Variants in HERC6 observed in about 807,000 individuals in gnomAD.
The protein encoded by HERC6 is HECT and RLD domain containing E3 ubiquitin protein ligase family member 6.
Under a neutral mutation model 114.5 loss-of-function variants are expected in HERC6, and 101 were observed. The ratio of observed to expected loss-of-function variants is 0.88; its 90% CI spans 0.75 to 1.04. The LOEUF (loss-of-function observed/expected upper bound fraction) is 1.04. Among genes scored for constraint, HERC6 ranks in the 50% least tolerant of loss-of-function variants. The pLI is 0.00. For synonymous variants in HERC6, 408 were observed against 436.2 expected (o/e 0.94, Z 0.81); for missense variants, 1,133 against 1,230.9 (o/e 0.92, Z 1.19).
chr4:88,416,121 T>C (rs1736450550), intron 12 of HERC6, among the ~76,000 whole-genome samples: 2 of 152,200 alleles, frequency 1.3e-5, no homozygotes, highest in African/African-American at 4.8e-5. Flanking sequence ...AAAGGTCCAG[T>C]GTCAGAGATT....
intron 12 of HERC6, among the ~76,000 whole-genome samples, chr4:88,415,451 A>C (rs1159809790): frequency 6.6e-6 from 1 of 152,216 alleles, no homozygotes; most frequent in Admixed American, 6.5e-5. Flanking sequence ...AGGTCATCAT[A>C]TCACCCAATT....
In HERC6 at chr4:88,390,730, C is replaced by T. The variant is rs771055984; in HGVS notation, c.515C>T (p.Pro172Leu). The T allele has an allele frequency of 6.2e-6, 10 of 1,614,010 alleles. No homozygotes were observed. Among genetic ancestry groups the T allele is most frequent in the South Asian group, 2.2e-5 (2 of 91,068 alleles). Residue 172 changes from proline to leucine, a missense_variant, in exon 4 of 23, where the codon CCG becomes CTG. Physicochemically the swap from Pro to Leu is moderately conservative, Grantham distance 98. Around this residue, in one of 3 missense-constraint regions of HERC6, gnomAD observed 735 missense variants for 754.0 expected, o/e 0.97. Transcript: ENST00000264346. ...LGKEFPSQAS[P>L]QRVRSLEGIP... is the part of the protein sequence containing the mutation. ...AAGGAGTTCCCCTCCCAAGCCAGCCCGCAGAGGGTGAGGTCCCTGGAGGGG... is the reference window on the plus strand; with the variant it reads ...AAGGAGTTCCCCTCCCAAGCCAGCCTGCAGAGGGTGAGGTCCCTGGAGGGG...
chr4:88,422,102 G>T (rs564658289), intron 13 of HERC6, among the ~76,000 whole-genome samples: 1 of 152,090 alleles, frequency 6.6e-6, no homozygotes, highest in Non-Finnish European at 1.5e-5. Context: ...TTATTTTGAT[G>T]ATAAATTCAT....
chr4:88,437,302 C>T (rs1342394705), intron 19 of HERC6, among the ~76,000 whole-genome samples: 3 of 152,058 alleles, frequency 2.0e-5, no homozygotes, highest in Non-Finnish European at 4.4e-5. Flanking sequence ...AGTGATCCAC[C>T]TGTCTCAGCC....
intron 15 of HERC6, among the ~76,000 whole-genome samples, chr4:88,427,032 G>A (rs1206823136): frequency 6.6e-6 from 1 of 152,138 alleles, no homozygotes; most frequent in Non-Finnish European, 1.5e-5. Flanking sequence ...GTAGTCGAGG[G>A]TTGAGTGAAT....
Position 88,413,081 on chromosome 4 carries a change from C to G in HERC6, c.1373C>G (p.Thr458Ser). Residue 458 changes from threonine to serine, a missense_variant, in exon 12 of 23, where the codon ACT (threonine) becomes AGT (serine). Transcript: ENST00000264346. Reference sequence around the variant, plus strand: ...CTGATCCTATTTTTACCACAGATAACTACGTGTCTCGAGGATGATCTGCTC... The same window carrying G: ...CTGATCCTATTTTTACCACAGATAAGTACGTGTCTCGAGGATGATCTGCTC... ...TKKEWISSMI[T>S]TCLEDDLLRA... 6.2e-7 allele frequency: 1 copy of G among 1,604,594 alleles called. No homozygotes were observed. Among genetic ancestry groups the G allele is most frequent in the Non-Finnish European group, 8.5e-7 (1 of 1,176,282 alleles).
intron 16 of HERC6, among the ~76,000 whole-genome samples, chr4:88,429,907 T>C (rs1300460327): frequency 6.6e-6 from 1 of 152,100 alleles, no homozygotes; most frequent in African/African-American, 2.4e-5. Flanking sequence ...TCAAGCCAGA[T>C]CAAATAAAAA....
In HERC6 at chr4:88,396,857, C is replaced by A. The variant is rs1161697977; in HGVS notation, c.894C>A (p.His298Gln). 4.4e-6 allele frequency: 7 copies of A among 1,575,288 alleles called. No individual in the cohort carries two copies. The highest frequency in any genetic ancestry group is 6.0e-6 in the Non-Finnish European group (7 of 1,158,466). The change falls in exon 7 of 23, where the codon CAC becomes CAA. Residue 298 changes from histidine to glutamine, a missense_variant. By Grantham distance (24) the His-to-Gln change is conservative. Around this residue, in one of 3 missense-constraint regions of HERC6, gnomAD observed 735 missense variants for 754.0 expected, o/e 0.97. Transcript: ENST00000264346. ...LVSQIDCGSY[H>Q]TLAYVHTTGQ... ...TGTATTCTCTTTCCTGTAGTTATCA[C>A]ACCCTGGCATATGTGCACACCACTG...
At chr4:88,397,375 G>A (rs1292049427) in intron 7 of HERC6, among the ~76,000 whole-genome samples, 1 of 151,842 alleles carries the variant, frequency 6.6e-6, no homozygotes, top group Non-Finnish European at 1.5e-5. Context: ...GCCTCCTAAA[G>A]TGCTGGGATT....
At chr4:88,412,936 A>G (rs1736200953) in intron 11 of HERC6, 141 bp from the exon 12 acceptor site, 1 of 639,738 alleles carries the variant, frequency 1.6e-6, no homozygotes, top group Non-Finnish European at 2.7e-6. Context: ...ATGGAGTCTC[A>G]TCAATAGGTT....
intron 1 of HERC6, among the ~76,000 whole-genome samples, chr4:88,379,766 A>G (rs1410003848): frequency 1.0e-5 from 1 of 98,232 alleles, no homozygotes; most frequent in Non-Finnish European, 1.8e-5. Flanking sequence ...AAATATATAT[A>G]ATATATAAAT....
At chr4:88,385,806 C>T (rs1383084138) in intron 3 of HERC6, among the ~76,000 whole-genome samples, 1 of 152,166 alleles carries the variant, frequency 6.6e-6, no homozygotes, top group Non-Finnish European at 1.5e-5. Flanking sequence ...TTTGACCTAA[C>T]TGGCCAACTC....
At chr4:88,435,247 C>A (rs185903160) in intron 17 of HERC6, among the ~76,000 whole-genome samples, 3 of 152,144 alleles carry the variant, frequency 2.0e-5, no homozygotes, top group Admixed American at 1.3e-4. Context: ...GCGTCAGTCA[C>A]CCTCCCTGAC....
intron 13 of HERC6, among the ~76,000 whole-genome samples, chr4:88,418,942 G>C (rs1490071917): frequency 6.6e-6 from 1 of 152,118 alleles, no homozygotes; most frequent in Non-Finnish European, 1.5e-5. Flanking sequence ...GGCCAGGCTG[G>C]TCTCGAACTC....
At position 88,417,505 on chromosome 4, in the gene HERC6, C is replaced by T. The variant is rs1182482697; in HGVS notation, c.1639C>T (p.Leu547Phe). The change falls in exon 13 of 23, where the codon CTT becomes TTT. Residue 547 changes from leucine (L) to phenylalanine (F), a missense_variant. This residue lies in a region of HERC6 where 735 missense variants were observed against 754.0 expected (regional missense o/e 0.97). Transcript: ENST00000264346. ...MLKAAIISQL[L>F]HQTKTEQDHC... ...TAAAGCAGCCATCATCTCTCAGCTG[C>T]TTCATCAGACTAAAACCGAACAGGA... 6.2e-7 allele frequency: 1 copy of T among 1,612,416 alleles called. No individual in the cohort carries two copies. The highest frequency in any genetic ancestry group is 2.2e-5 in the East Asian group (1 of 44,818).
In HERC6 at chr4:88,440,214, C is replaced by T. The variant is rs1578441785; in HGVS notation, c.2806C>T (p.His936Tyr). Residue 936 changes from histidine (H) to tyrosine (Y), a missense_variant, in exon 22 of 23, where the codon CAC becomes TAC. This residue lies in a region of HERC6 where 388 missense variants were observed against 445.9 expected (regional missense o/e 0.87). Coordinates refer to ENST00000264346, the MANE Select transcript of HERC6 (RefSeq NM_017912.4). The part of the protein sequence containing the change: ...PTIQLFWKAF[H>Y]KLTLDEKKKF... ...TATACAGTTGTTTTGGAAGGCTTTC[C>T]ACAAACTAACCTTGGATGAAAAGAA... 6.2e-7 allele frequency: 1 copy of T among 1,604,018 alleles called. No individual in the cohort carries two copies. The highest frequency in any genetic ancestry group is 8.5e-7 in the Non-Finnish European group (1 of 1,174,032).
chr4:88,390,211 A>C (rs1161114778), intron 3 of HERC6, among the ~76,000 whole-genome samples: 2 of 151,040 alleles, frequency 1.3e-5, no homozygotes, highest in Admixed American at 6.6e-5. Flanking sequence ...AGAAAGTCAA[A>C]CTCAATAAAA....
rs769004913 is a variant in HERC6 at position 88,440,128 on chromosome 4, T to C, written c.2740-20T>C. The C allele has an allele frequency of 1.9e-6, 3 of 1,602,182 alleles. No homozygotes were observed. The highest frequency in any genetic ancestry group is 3.4e-5 in the Admixed American group (2 of 59,152). ...ATATTCCACCCCACTCAAATCATTT[T>C]TCTCCCTCTTTCTCTCAAGAATTCA... On this transcript the variant is annotated intron_variant, in intron 21 of 22. Coordinates refer to ENST00000264346, the MANE Select transcript of HERC6 (RefSeq NM_017912.4).
chr4:88,384,087 CCA>C (rs1734457913), intron 2 of HERC6, among the ~76,000 whole-genome samples: 1 of 152,078 alleles, frequency 6.6e-6, no homozygotes, highest in Admixed American at 6.6e-5. Flanking sequence ...AATGCAGTTC[CCA>C]GTAACTTCCT....
Sources: allele counts gnomAD v4.1 joint callset (sites outside exome capture counted in the v4.1 genomes callset), GRCh38; gene constraint gnomAD v4.1.1; regional missense constraint gnomAD v4.1.1; transcripts MANE v1.5; gene names NCBI Gene and HGNC (gene_info 2026-07-23, HGNC 2026-07-21).